GLYR1: variants seen among roughly 807,000 people sequenced by gnomAD.
GLYR1 encodes the protein glyoxylate reductase 1 homolog.
In GLYR1, 21 loss-of-function variants were observed where a neutral mutation model predicts 72.7. The ratio of observed to expected loss-of-function variants is 0.29; its 90% CI spans 0.20 to 0.42. The LOEUF is 0.42. Ranked by LOEUF, GLYR1 falls within the 10% of genes least tolerant of loss-of-function variation. GLYR1 has a pLI of 1.00. For missense variants in GLYR1, 594 were observed against 712.1 expected (o/e 0.83, Z 1.89); for synonymous variants, 392 against 270.2 (o/e 1.45, Z -4.42).
chr16:4,847,087 T>C, intron 1 of GLYR1, 141 bp downstream of exon 1: 1 of 788,798 alleles, frequency 1.3e-6, no homozygotes, highest in East Asian at 2.8e-5. Flanking sequence ...CTGGCGCCGC[T>C]CGCAAGCGCC....
In GLYR1 at chr16:4,811,416, C is replaced by A. The variant is rs1314931920; in HGVS notation, c.1463-122G>T. The A allele has an allele frequency of 4.3e-6, 6 of 1,387,596 alleles. No individual in the cohort carries two copies. In the African/African-American group the frequency reaches 8.6e-5, roughly 20 times the overall value. The allele number at this position is 1,387,596 out of a possible 1,614,324, so 86.0% of individuals were successfully genotyped here. A position where few individuals can be genotyped will look rare whatever the true frequency, so the allele number is the denominator to read the frequency against. The stretch of plus-strand genomic sequence containing the variant: ...GCTCAGTTCCACATAGCCTAGGCCT[C>A]TTGGCTCCTCACTCACCCTTAGACA... On this transcript the variant is annotated intron_variant, in intron 14 of 15. Coordinates refer to ENST00000321919, the MANE Select transcript of GLYR1 (RefSeq NM_032569.4).
At chr16:4,813,283 C>A (rs2083434265) in intron 12 of GLYR1, among the ~76,000 whole-genome samples, 2 of 152,156 alleles carry the variant, frequency 1.3e-5, no homozygotes, top group Non-Finnish European at 2.9e-5. Flanking sequence ...TAGAGACCAA[C>A]AACTAGAACC....
chr16:4,807,314 T>C (rs1282714183), intron 15 of GLYR1, among the ~76,000 whole-genome samples: 1 of 151,762 alleles, frequency 6.6e-6, no homozygotes. Context: ...GGCTTCACTA[T>C]ATTGGCCAGG....
intron 5 of GLYR1, 119 bp downstream of exon 5, chr16:4,831,860 G>A (rs906903573): frequency 7.2e-7 from 1 of 1,398,104 alleles, no homozygotes; most frequent in Non-Finnish European, 9.6e-7. Context: ...ACAGAATTCT[G>A]CTCCCACTCC....
At chr16:4,815,795 T>C (rs1225313270) in intron 10 of GLYR1, among the ~76,000 whole-genome samples, 2 of 152,222 alleles carry the variant, frequency 1.3e-5, no homozygotes, top group Non-Finnish European at 2.9e-5. Flanking sequence ...TTTCATTTTT[T>C]TTTTTTGAGA....
intron 12 of GLYR1, among the ~76,000 whole-genome samples, chr16:4,812,734 G>A (rs867347076): frequency 3.3e-5 from 5 of 151,720 alleles, no homozygotes; most frequent in Admixed American, 2.6e-4. Context: ...CTTGTGATCC[G>A]CCCGCCTCGG....
intron 9 of GLYR1, chr16:4,821,090 G>A: frequency 4.0e-6 from 2 of 501,110 alleles, no homozygotes; most frequent in South Asian, 5.1e-5. Flanking sequence ...CACCTTCCAG[G>A]TGACTGTCAG....
At chr16:4,817,399 G>C (rs556261450) in intron 10 of GLYR1, among the ~76,000 whole-genome samples, 199 bp downstream of exon 10, 2 of 152,246 alleles carry the variant, frequency 1.3e-5, no homozygotes, top group African/African-American at 4.8e-5. Context: ...GATTACAGGA[G>C]TGAGCCACCG....
chr16:4,821,311 C>G lies in GLYR1; in HGVS notation c.806+69G>C, dbSNP rs1016569150. On this transcript the variant is annotated intron_variant, in intron 9 of 15. Transcript: ENST00000321919. ...GGGACACAACCCTTAAAGAACCCCC[C>G]TGGGGTCACCTTCTCCCCACCCTCA... 4 of 1,521,302 alleles carry G rather than the reference C, an allele frequency of 2.6e-6. No individual in the cohort carries two copies. In the African/African-American group the frequency reaches 5.5e-5, roughly 21 times the overall value. 94.2% of individuals were successfully genotyped at this position (1,521,302 alleles called of 1,614,324 possible). A position where few individuals can be genotyped will look rare whatever the true frequency, so the allele number is the denominator to read the frequency against.
chr16:4,817,529 G>C (rs1191153591), intron 10 of GLYR1, 69 bp downstream of exon 10: 3 of 897,536 alleles, frequency 3.3e-6, no homozygotes, highest in Admixed American at 3.6e-5. Context: ...AGACAACAGG[G>C]GGAGATGTCC....
intron 5 of GLYR1, among the ~76,000 whole-genome samples, chr16:4,830,015 G>C (rs1463865419): frequency 6.6e-6 from 1 of 151,774 alleles, no homozygotes; most frequent in East Asian, 2.0e-4. Flanking sequence ...TGTTGCCCAG[G>C]CTGGTCTAGA....
intron 12 of GLYR1, 109 bp downstream of exon 12, chr16:4,813,628 C>T: frequency 3.2e-6 from 3 of 930,454 alleles, no homozygotes; most frequent in Non-Finnish European, 5.1e-6. Context: ...CTCTCCTCTT[C>T]CCTCTCTGGC....
intron 3 of GLYR1, among the ~76,000 whole-genome samples, chr16:4,838,048 G>C (rs1398770852): frequency 6.6e-6 from 1 of 151,910 alleles, no homozygotes; most frequent in African/African-American, 2.4e-5. Context: ...ATTTGGATTT[G>C]GTGAATACTT....
chr16:4,816,070 T>G (rs2083623824), intron 10 of GLYR1, among the ~76,000 whole-genome samples: 1 of 152,062 alleles, frequency 6.6e-6, no homozygotes, highest in Non-Finnish European at 1.5e-5. Context: ...CACCCGGCCT[T>G]GTTTGATATA....
chr16:4,839,234 G>C (rs1000547940), intron 3 of GLYR1: 1 of 152,242 alleles, frequency 6.6e-6, no homozygotes, highest in African/African-American at 2.4e-5. Flanking sequence ...GTGAGAACAA[G>C]CCGGCATGGT....
At position 4,814,558 on chromosome 16, in the gene GLYR1, C is replaced by A. The variant is rs781066748; in HGVS notation, c.996G>T (p.Ser332=). 1.2e-6 allele frequency: 2 copies of A among 1,613,766 alleles called. No homozygotes were observed. The highest frequency in any genetic ancestry group is 3.3e-5 in the Admixed American group (2 of 60,028). The stretch of plus-strand genomic sequence containing the variant: ...TTACGTCCTTGGCCGCCTTGGGATC[C>A]GACACGCAGGCGAAAGTGATGTCGC... ...STCDITFACV[S]DPKAAKDLVL... Residue 332 remains serine (S), a synonymous_variant, in exon 11 of 16, where the codon TCG becomes TCT. Transcript: ENST00000321919.
chr16:4,831,890 G>A, intron 5 of GLYR1, 89 bp downstream of exon 5: 1 of 1,508,346 alleles, frequency 6.6e-7, no homozygotes, highest in Non-Finnish European at 8.9e-7. Flanking sequence ...GTATAGATAA[G>A]CATACTACAT....
chr16:4,832,378 A>G (rs2084856937), intron 4 of GLYR1, 157 bp from the exon 5 acceptor site: 2 of 863,318 alleles, frequency 2.3e-6, no homozygotes, highest in Admixed American at 5.7e-5. Context: ...ACATTGGGAG[A>G]AGCAGATTTA....
chr16:4,817,909 A>G (rs146380380), intron 9 of GLYR1: 99 of 531,946 alleles, frequency 1.9e-4, no homozygotes, highest in African/African-American at 1.8e-3. Flanking sequence ...CCCAGGATGT[A>G]AACAGGCATT....
Sources: gnomAD v4.1 joint callset for allele counts (sites outside exome capture counted in the v4.1 genomes callset) on GRCh38, gnomAD v4.1.1 for gene constraint, MANE v1.5 for transcripts, NCBI Gene and HGNC (gene_info 2026-07-23, HGNC 2026-07-21) for gene names.